The following DPYSL2 variants were observed in gnomAD, a reference collection of about 807,000 sequenced individuals.
DPYSL2 encodes dihydropyrimidinase like 2.
DPYSL2 carries 13 observed loss-of-function variants against 69.9 expected under a neutral mutation model. That is an observed-to-expected ratio of 0.19 (90% CI 0.12 to 0.30). The LOEUF (loss-of-function observed/expected upper bound fraction) is 0.30. DPYSL2 is among the 10% of genes least tolerant of loss of function. The pLI, the probability that DPYSL2 is intolerant of heterozygous loss-of-function variation, is 1.00. For synonymous variants in DPYSL2, 326 were observed against 359.1 expected (o/e 0.91, Z 1.04); for missense variants, 587 against 918.9 (o/e 0.64, Z 4.67).
chr8:26,655,602 C>T lies in DPYSL2; in HGVS notation c.1943-13C>T, dbSNP rs1380027984. The T allele has an allele frequency of 1.3e-6, 2 of 1,595,232 alleles. No individual in the cohort carries two copies. Among genetic ancestry groups the T allele is most frequent in the East Asian group, 2.3e-5 (1 of 44,314 alleles). ...GGCCCCTCACCCGCTCCTCTCTTCT[C>T]CTCTCCCTCCAGGTGCTCAGATTGA... On this transcript the variant is annotated splice_polypyrimidine_tract_variant and intron_variant, in intron 13 of 13. Coordinates refer to ENST00000521913, the MANE Select transcript of DPYSL2 (RefSeq NM_001197293.3).
At chr8:26,569,371 C>A (rs11785177) in intron 1 of DPYSL2, among the ~76,000 whole-genome samples, 44,307 of 86,762 alleles carry the variant, frequency 0.51, 10,176 homozygotes, top group East Asian at 0.73. Flanking sequence ...AAAACAAAAA[C>A]AAAAACAAAA....
At chr8:26,515,505 C>T (rs1808267923) in intron 1 of DPYSL2, among the ~76,000 whole-genome samples, 1 of 152,176 alleles carries the variant, frequency 6.6e-6, no homozygotes, top group Admixed American at 6.5e-5. Flanking sequence ...TCGAAGAAGA[C>T]TAAACCCCCT....
rs897628170 is a variant in DPYSL2, at chr8:26,598,243, T to C, written c.628+14260T>C. 6.6e-6 allele frequency among the ~76,000 whole-genome samples: 1 copy of C among 152,228 alleles called. No homozygotes were observed. The highest frequency in any genetic ancestry group is 6.5e-5 in the Admixed American group (1 of 15,286). On this transcript the variant is annotated intron_variant, in intron 3 of 13. Transcript: ENST00000521913. This position sits in a 1 kb window ranked among gnomAD's most constrained non-coding sequence, Gnocchi z 4.2. ...AAGGGCTAAATTTGTTTTGTGACTT[T>C]TGCCTTCAGCAGCCATCGCATTACA...
intron 3 of DPYSL2, among the ~76,000 whole-genome samples, chr8:26,589,223 C>T (rs759520532): frequency 3.3e-5 from 5 of 152,216 alleles, no homozygotes; most frequent in Non-Finnish European, 5.9e-5. Context: ...GCTTCATCAC[C>T]CTTGGTGGCC....
At chr8:26,629,333 CACACAGACACATACAG>C (rs1802688850) in intron 7 of DPYSL2, among the ~76,000 whole-genome samples, 1 of 147,174 alleles carries the variant, frequency 6.8e-6, no homozygotes, top group Admixed American at 6.7e-5. Context: ...TACACATAGA[CACACAGACACATACAG>C]ACACAGACAC....
chr8:26,629,042 G>A (rs1397944190), intron 7 of DPYSL2, among the ~76,000 whole-genome samples: 3 of 152,200 alleles, frequency 2.0e-5, no homozygotes, highest in East Asian at 1.9e-4. Flanking sequence ...TTGAGGGGAA[G>A]GGATGAGGCT....
In DPYSL2 at chr8:26,653,119, AG is replaced by A. The variant is rs1803311415; in HGVS notation, c.1777-111del. 7.6e-7 allele frequency: 1 copy of A among 1,320,140 alleles called. No individual in the cohort carries two copies. Among genetic ancestry groups the A allele is most frequent in the Admixed American group, 2.3e-5 (1 of 43,966 alleles). The allele number at this position is 1,320,140 out of a possible 1,614,324, so 81.8% of individuals were successfully genotyped here. A position where few individuals can be genotyped will look rare whatever the true frequency, so the allele number is the denominator to read the frequency against. Reference sequence around the variant, plus strand: ...CACAACACCTGTCCACCTGTCTGTAAGGAGAGCCCTCCATCCCTAGATCTCA... The same window carrying A: ...CACAACACCTGTCCACCTGTCTGTAAGAGAGCCCTCCATCCCTAGATCTCA... On this transcript the variant is annotated intron_variant, in intron 12 of 13. Coordinates refer to ENST00000521913, the MANE Select transcript of DPYSL2 (RefSeq NM_001197293.3). The surrounding 1 kb of genome is among the most constrained non-coding windows in gnomAD (Gnocchi z 5.7).
At chr8:26,554,839 T>A (rs1421369814) in intron 1 of DPYSL2, among the ~76,000 whole-genome samples, 1 of 152,138 alleles carries the variant, frequency 6.6e-6, no homozygotes, top group Non-Finnish European at 1.5e-5. Flanking sequence ...CATAGACCAG[T>A]ATCTCTAATG....
chr8:26,541,167 G>T (rs997076229), intron 1 of DPYSL2, among the ~76,000 whole-genome samples: 1 of 152,174 alleles, frequency 6.6e-6, no homozygotes, highest in African/African-American at 2.4e-5. Context: ...AAAGTGATTT[G>T]TCATTTTTAA....
At position 26,609,159 on chromosome 8, in the gene DPYSL2, T is replaced by C. The variant is rs944003299; in HGVS notation, c.629-14984T>C. Among the ~76,000 whole-genome samples the C allele has an allele frequency of 2.6e-5, 4 of 152,324 alleles. No individual in the cohort carries two copies. The highest frequency in any genetic ancestry group is 3.4e-3 in the Middle Eastern group (1 of 294). On this transcript the variant is annotated intron_variant, in intron 3 of 13. Transcript: ENST00000521913. The surrounding 1 kb of genome is among the most constrained non-coding windows in gnomAD (Gnocchi z 6.5). ...TTATTATGTATTGTCTGCCCATAAA[T>C]GATGTCTTGAAATAGAGGGGTGAGC...
Position 26,614,480 on chromosome 8 carries a change from T to A in DPYSL2, c.629-9663T>A, listed in dbSNP as rs1372066406. 6.6e-6 allele frequency among the ~76,000 whole-genome samples: 1 copy of A among 152,228 alleles called. No individual in the cohort carries two copies. The highest frequency in any genetic ancestry group is 1.5e-5 in the Non-Finnish European group (1 of 68,038). ...TTTCGTATCTTTTAGTGAGTTTTTG[T>A]TTTCCCTAACTGGATTGTTGGCATT... On this transcript the variant is annotated intron_variant, in intron 3 of 13. Transcript: ENST00000521913. This position sits in a 1 kb window ranked among gnomAD's most constrained non-coding sequence, Gnocchi z 4.9.
chr8:26,631,503 T>C (rs544929423), intron 7 of DPYSL2, among the ~76,000 whole-genome samples: 140 of 152,316 alleles, frequency 9.2e-4, no homozygotes, highest in African/African-American at 3.2e-3. Flanking sequence ...CAATTTGAGA[T>C]GAGATTTGGG....
At chr8:26,575,752 C>G (rs991425768) in intron 1 of DPYSL2, among the ~76,000 whole-genome samples, 2 of 152,118 alleles carry the variant, frequency 1.3e-5, no homozygotes, top group South Asian at 2.1e-4. Context: ...GCTCAAACAA[C>G]AGGGACGGGG....
chr8:26,532,187 A>G (rs551690990), intron 1 of DPYSL2, among the ~76,000 whole-genome samples: 6 of 152,240 alleles, frequency 3.9e-5, no homozygotes, highest in Non-Finnish European at 7.4e-5. Flanking sequence ...GAGGATGATC[A>G]GGGCTTTCTC....
At chr8:26,633,665 A>T (rs1427570643) in intron 7 of DPYSL2, among the ~76,000 whole-genome samples, 1 of 151,712 alleles carries the variant, frequency 6.6e-6, no homozygotes, top group Non-Finnish European at 1.5e-5. Context: ...TAATAGAGAC[A>T]GAGTTTCACC....
At chr8:26,646,919 G>A (rs1035090627) in intron 10 of DPYSL2, among the ~76,000 whole-genome samples, 5 of 151,838 alleles carry the variant, frequency 3.3e-5, no homozygotes, top group Non-Finnish European at 4.4e-5. Flanking sequence ...AGAGGCCGAG[G>A]CTGCAGTGAG....
At position 26,606,122 on chromosome 8, in the gene DPYSL2, A is replaced by T. The variant is rs1045550418; in HGVS notation, c.629-18021A>T. On this transcript the variant is annotated intron_variant, in intron 3 of 13. Coordinates refer to ENST00000521913, the MANE Select transcript of DPYSL2 (RefSeq NM_001197293.3). ...GAAGAGACAGCTATATAAGCAGGTT[A>T]AAGTAGAAAATCTGCAAATGTGACT... Among the ~76,000 whole-genome samples, 4 of 152,232 alleles carry T rather than the reference A, an allele frequency of 2.6e-5. No individual in the cohort carries two copies. In the East Asian group the frequency reaches 7.7e-4, roughly 29 times the overall value.
At position 26,643,419 on chromosome 8, in the gene DPYSL2, T is replaced by G. The variant is rs1391596084; in HGVS notation, c.1127-20T>G. 6.4e-7 allele frequency: 1 copy of G among 1,568,312 alleles called. No individual in the cohort carries two copies. The highest frequency in any genetic ancestry group is 1.4e-5 in the African/African-American group (1 of 73,836). On this transcript the variant is annotated intron_variant, in intron 8 of 13. Coordinates refer to ENST00000521913, the MANE Select transcript of DPYSL2 (RefSeq NM_001197293.3). This position sits in a 1 kb window ranked among gnomAD's most constrained non-coding sequence, Gnocchi z 6.5. ...CCCCTGCATTGTGTTGGACTGAACC[T>G]TGTGTGTTCTGTTTGTCAGGAACTG... is the stretch of plus-strand genomic sequence containing the variant.
Position 26,617,986 on chromosome 8 carries a change from T to C in DPYSL2, c.629-6157T>C, listed in dbSNP as rs906967318. Among the ~76,000 whole-genome samples the C allele has an allele frequency of 6.6e-6, 1 of 152,076 alleles. No individual in the cohort carries two copies. The highest frequency in any genetic ancestry group is 2.4e-5 in the African/African-American group (1 of 41,390). On this transcript the variant is annotated intron_variant, in intron 3 of 13. Coordinates refer to ENST00000521913, the MANE Select transcript of DPYSL2 (RefSeq NM_001197293.3). This position sits in a 1 kb window ranked among gnomAD's most constrained non-coding sequence, Gnocchi z 4.7. ...CACCGGGTTATACCCTTTAAATGAG[T>C]GATTGCATAGCATGTGAATTATACC...
Sources: gnomAD v4.1 joint callset for allele counts (sites outside exome capture counted in the v4.1 genomes callset) on GRCh38, gnomAD v4.1.1 for gene constraint, Gnocchi (gnomAD v3.1) non-coding constraint, MANE v1.5 for transcripts, NCBI Gene and HGNC (gene_info 2026-07-23, HGNC 2026-07-21) for gene names.